The following ADAMTSL1 variants were observed in gnomAD, a reference collection of about 807,000 sequenced individuals.
The protein encoded by ADAMTSL1 is ADAMTS like 1, also known as ADAMTS-like protein 1.
In ADAMTSL1, 126 loss-of-function variants were observed where a neutral mutation model predicts 201.8. The observed-to-expected ratio is 0.62, with a 90% CI of 0.54 to 0.72. The LOEUF (loss-of-function observed/expected upper bound fraction) is 0.72, where lower values mean the gene tolerates loss of function less well. ADAMTSL1 is among the 30% of genes least tolerant of loss of function. The pLI, the probability that ADAMTSL1 is intolerant of heterozygous loss-of-function variation, is 0.00. For missense variants in ADAMTSL1, 2,679 were observed against 2,277.8 expected (o/e 1.18, Z -3.59); for synonymous variants, 1,121 against 903.4 (o/e 1.24, Z -4.32).
At chr9:18,696,606 C>T (rs567953222) in intron 13 of ADAMTSL1, among the ~76,000 whole-genome samples, 13 of 152,158 alleles carry the variant, frequency 8.5e-5, no homozygotes, top group South Asian at 4.1e-4. Flanking sequence ...AGCAGAAAGA[C>T]GATGTTATCT....
intron 15 of ADAMTSL1, among the ~76,000 whole-genome samples, chr9:18,741,914 T>C (rs551354): frequency 0.22 from 33,486 of 152,164 alleles, 4,052 homozygotes; most frequent in Middle Eastern, 0.31. Flanking sequence ...AGTGTTGCCC[T>C]CACCATCTCA....
intron 2 of ADAMTSL1, among the ~76,000 whole-genome samples, chr9:18,341,918 G>T (rs902846551): frequency 1.3e-5 from 2 of 152,120 alleles, no homozygotes; most frequent in African/African-American, 4.8e-5. Context: ...GGCTTTAAGG[G>T]TTAAGGTAAA....
At chr9:18,727,538 C>G (rs1044403577) in intron 15 of ADAMTSL1, among the ~76,000 whole-genome samples, 1 of 152,210 alleles carries the variant, frequency 6.6e-6, no homozygotes, top group Non-Finnish European at 1.5e-5. Flanking sequence ...ATGGTTGGGC[C>G]TGACTGGGCC....
intron 1 of ADAMTSL1, among the ~76,000 whole-genome samples, chr9:18,012,032 A>G (rs1329932): frequency 0.43 from 65,351 of 151,862 alleles, 14,758 homozygotes; most frequent in African/African-American, 0.57. Context: ...TGGCCTTCAG[A>G]GTAAGAAGGT....
intron 1 of ADAMTSL1, among the ~76,000 whole-genome samples, chr9:17,930,697 G>C (rs537063678): frequency 1.3e-5 from 2 of 152,254 alleles, no homozygotes; most frequent in African/African-American, 4.8e-5. Flanking sequence ...ATAGGAGTGT[G>C]AGTTTTGTTT....
intron 1 of ADAMTSL1, among the ~76,000 whole-genome samples, chr9:18,021,001 A>G (rs778704962): frequency 2.0e-5 from 3 of 152,124 alleles, no homozygotes; most frequent in Non-Finnish European, 4.4e-5. Flanking sequence ...CACTCAAAGG[A>G]TGGTCTGCAC....
chr9:17,995,568 G>A (rs868086722), intron 1 of ADAMTSL1, among the ~76,000 whole-genome samples: 3 of 152,046 alleles, frequency 2.0e-5, no homozygotes, highest in African/African-American at 7.2e-5. Context: ...AGAGAAAAGT[G>A]GAGTAACATT....
chr9:17,988,730 T>C (rs1819025098), intron 1 of ADAMTSL1, among the ~76,000 whole-genome samples: 1 of 152,022 alleles, frequency 6.6e-6, no homozygotes, highest in South Asian at 2.1e-4. Context: ...TGCTTTCAAT[T>C]ATCAGTGAAC....
At chr9:18,740,500 G>C (rs1818766996) in intron 15 of ADAMTSL1, among the ~76,000 whole-genome samples, 1 of 120,466 alleles carries the variant, frequency 8.3e-6, no homozygotes, top group African/African-American at 3.3e-5. Context: ...TTTTTTGAGA[G>C]GAGTCTCCCT....
At chr9:18,129,523 C>T (rs550250299) in intron 1 of ADAMTSL1, among the ~76,000 whole-genome samples, 15 of 152,194 alleles carry the variant, frequency 9.9e-5, no homozygotes, top group African/African-American at 3.4e-4. Flanking sequence ...AATATCATCC[C>T]TTTTCTGTGG....
chr9:17,999,060 G>A (rs1183070687), intron 1 of ADAMTSL1, among the ~76,000 whole-genome samples: 2 of 151,878 alleles, frequency 1.3e-5, no homozygotes, highest in Non-Finnish European at 2.9e-5. Flanking sequence ...TCCCTATATA[G>A]CCTCTTTATT....
At chr9:18,209,486 T>G (rs1332685416) in intron 2 of ADAMTSL1, among the ~76,000 whole-genome samples, 1 of 152,166 alleles carries the variant, frequency 6.6e-6, no homozygotes, top group Non-Finnish European at 1.5e-5. Flanking sequence ...ACGCAAACCC[T>G]GCCTAAACTC....
chr9:17,990,942 C>A (rs199873147), intron 1 of ADAMTSL1, among the ~76,000 whole-genome samples: 3 of 152,032 alleles, frequency 2.0e-5, no homozygotes, highest in East Asian at 1.9e-4. Flanking sequence ...GGTTGGAATT[C>A]TTTTATCGAA....
chr9:18,749,867 T>C (rs1009281056), intron 15 of ADAMTSL1, among the ~76,000 whole-genome samples: 2 of 152,232 alleles, frequency 1.3e-5, no homozygotes, highest in Admixed American at 1.3e-4. Context: ...TATGTCTGTT[T>C]TGTGAGTTTT....
intron 7 of ADAMTSL1, among the ~76,000 whole-genome samples, chr9:18,644,076 G>C (rs1827621586): frequency 6.6e-6 from 1 of 151,620 alleles, no homozygotes; most frequent in African/African-American, 2.4e-5. Context: ...ATAGTTTTCA[G>C]TGTCTTTCAC....
chr9:18,556,401 C>A (rs1180267817), intron 3 of ADAMTSL1, among the ~76,000 whole-genome samples: 1 of 151,934 alleles, frequency 6.6e-6, no homozygotes, highest in East Asian at 1.9e-4. Context: ...AAGTGGAAAG[C>A]TTTATTAATC....
chr9:18,225,920 T>C (rs1230026631), intron 2 of ADAMTSL1, among the ~76,000 whole-genome samples: 2 of 152,114 alleles, frequency 1.3e-5, no homozygotes, highest in African/African-American at 4.8e-5. Context: ...GTTTTTCTTA[T>C]GTCTGATTAA....
At chr9:18,671,337 T>C (rs571373744) in intron 9 of ADAMTSL1, among the ~76,000 whole-genome samples, 2 of 152,140 alleles carry the variant, frequency 1.3e-5, no homozygotes, top group Non-Finnish European at 2.9e-5. Context: ...ACCATGTGAG[T>C]CTTCTAAATG....
At chr9:18,299,304 A>G (rs1833604925) in intron 2 of ADAMTSL1, among the ~76,000 whole-genome samples, 1 of 152,152 alleles carries the variant, frequency 6.6e-6, no homozygotes, top group African/African-American at 2.4e-5. Context: ...CTCCCTCCCC[A>G]AGCATGTCTA....
Sources: allele counts gnomAD v4.1 joint callset (sites outside exome capture counted in the v4.1 genomes callset), GRCh38; gene constraint gnomAD v4.1.1; transcripts MANE v1.5; gene names NCBI Gene and HGNC (gene_info 2026-07-23, HGNC 2026-07-21).